The following NCKAP5L variants were observed in gnomAD, a reference collection of about 807,000 sequenced individuals.
The protein encoded by NCKAP5L is NCK associated protein 5 like.
A neutral mutation model predicts 103.2 loss-of-function variants in NCKAP5L; 54 were observed. That is an observed-to-expected ratio of 0.52 (90% confidence interval 0.42 to 0.66). The LOEUF is 0.66. Ranked by LOEUF, NCKAP5L falls within the 30% of genes least tolerant of loss-of-function variation. The pLI is 0.00. For missense variants in NCKAP5L, 1,733 were observed against 1,750.6 expected, an observed-to-expected ratio of 0.99 and a Z score of 0.18; for synonymous variants, 762 against 748.6, an observed-to-expected ratio of 1.02 and a Z score of -0.29.
At position 49,793,433 on chromosome 12, in the gene NCKAP5L, G is replaced by C; in HGVS notation, c.3259C>G (p.Pro1087Ala). The change falls in exon 10 of 13, where the codon CCG becomes GCG. Residue 1087 changes from proline (P) to alanine (A), a missense_variant and splice_region_variant. Transcript: ENST00000335999. ...LQGCGKPPGK[P>A]SSEPGRREEM... ...TCCCGCCTCCCTGGCTCGCTGCTCG[G>C]CTGTGTGGGATACAGGAGACCTCAT... 6.2e-7 allele frequency: 1 copy of C among 1,609,400 alleles called. No homozygotes were observed. Among genetic ancestry groups the C allele is most frequent in the African/African-American group, 1.3e-5 (1 of 75,040 alleles).
rs755796115 is a variant in NCKAP5L at position 49,792,855 on chromosome 12, C to A, written c.3472G>T (p.Val1158Leu). 89 of 1,551,376 alleles carry A rather than the reference C, an allele frequency of 5.7e-5. No homozygotes were observed. Among genetic ancestry groups the A allele is most frequent in the Non-Finnish European group, 7.5e-5 (87 of 1,153,978 alleles). Residue 1158 changes from valine (V) to leucine (L), a missense_variant, in exon 11 of 13, where the codon GTA (valine) becomes TTA (leucine). By Grantham distance (32) the Val-to-Leu change is conservative. Transcript: ENST00000335999. The surrounding 1 kb of genome is among the most constrained non-coding windows in gnomAD (Gnocchi z 4.5). Reference protein sequence around the residue: ...KPPRLDPPPGVPPARPPPLTK... With the variant: ...KPPRLDPPPGLPPARPPPLTK... ...AGGGGTGGGGGCCGAGCTGGGGGTA[C>A]CCCAGGTGGGGGATCCAGCCGCGGT...
Position 49,796,845 on chromosome 12 carries a change from G to A in NCKAP5L, c.1015C>T (p.Leu339=), listed in dbSNP as rs764756074. ...GQLLEDTESY[L]QAFLAGAAGP... ...GCAGCCCCGGCCAGGAAGGCCTGTA[G>A]GTAAGACTCTGTGTCCTCAAGGAGC... The change falls in exon 8 of 13, where the codon CTA becomes TTA. Residue 339 remains leucine (L), a synonymous_variant. Coordinates refer to ENST00000335999, the MANE Select transcript of NCKAP5L (RefSeq NM_001037806.4). 6.2e-7 allele frequency: 1 copy of A among 1,613,030 alleles called. No individual in the cohort carries two copies. Among genetic ancestry groups the A allele is most frequent in the African/African-American group, 1.3e-5 (1 of 75,054 alleles).
chr12:49,823,101 T>G (rs1192598012), intron 1 of NCKAP5L, among the ~76,000 whole-genome samples: 1 of 152,074 alleles, frequency 6.6e-6, no homozygotes, highest in African/African-American at 2.4e-5. Flanking sequence ...AGAGAGGCCC[T>G]CCTAACCCCA....
At chr12:49,807,339 A>G (rs530102491) in intron 1 of NCKAP5L, among the ~76,000 whole-genome samples, 1 of 151,872 alleles carries the variant, frequency 6.6e-6, no homozygotes, top group South Asian at 2.1e-4. Flanking sequence ...TTTAATACTG[A>G]TTTTTTTATT....
intron 1 of NCKAP5L, among the ~76,000 whole-genome samples, chr12:49,810,369 G>A (rs1028525152): frequency 1.3e-5 from 2 of 152,338 alleles, no homozygotes; most frequent in South Asian, 4.1e-4. Context: ...GTCTAGGCAT[G>A]GAGTCCAGTT....
intron 1 of NCKAP5L, among the ~76,000 whole-genome samples, chr12:49,817,586 T>C (rs1242264907): frequency 6.6e-6 from 1 of 152,042 alleles, no homozygotes; most frequent in Non-Finnish European, 1.5e-5. Flanking sequence ...AAAGCTATAG[T>C]AATCAAAATA....
At chr12:49,799,948 C>A (rs2137008129) in intron 6 of NCKAP5L, among the ~76,000 whole-genome samples, 1 of 152,322 alleles carries the variant, frequency 6.6e-6, no homozygotes, top group African/African-American at 2.4e-5. Flanking sequence ...GTAATCCCAG[C>A]ACTTTGGGAG....
chr12:49,794,467 C>G (rs374864070), intron 8 of NCKAP5L, among the ~76,000 whole-genome samples: 2 of 152,158 alleles, frequency 1.3e-5, no homozygotes, highest in African/African-American at 2.4e-5. Context: ...TAGGCTCTAG[C>G]CTTCACTTAA....
chr12:49,798,017 T>G (rs1946077439), intron 7 of NCKAP5L, among the ~76,000 whole-genome samples: 1 of 152,152 alleles, frequency 6.6e-6, no homozygotes, highest in South Asian at 2.1e-4. Flanking sequence ...GGCCTTCAAG[T>G]TATTTGAGCT....
At chr12:49,812,352 G>T (rs1034509855) in intron 1 of NCKAP5L, among the ~76,000 whole-genome samples, 1 of 151,140 alleles carries the variant, frequency 6.6e-6, no homozygotes, top group Non-Finnish European at 1.5e-5. Context: ...GTTGTTGCAC[G>T]TATCAGTAGT....
intron 1 of NCKAP5L, among the ~76,000 whole-genome samples, chr12:49,808,558 A>G (rs1946205594): frequency 6.6e-6 from 1 of 152,206 alleles, no homozygotes; most frequent in East Asian, 1.9e-4. Flanking sequence ...GAAGGTCAAG[A>G]TCCAGAGAGA....
In NCKAP5L at chr12:49,796,415, C is replaced by T. The variant is rs1315163910; in HGVS notation, c.1445G>A (p.Arg482Gln). ...GTTCCGACAGGGGATTCGCGAGTTCCGGGGGAGCTGGGGACTGAGCTGCGG... is the reference window on the plus strand; with the variant it reads ...GTTCCGACAGGGGATTCGCGAGTTCTGGGGGAGCTGGGGACTGAGCTGCGG... ...GGPQLSPQLPRNSRIPCRNSG... is the reference protein window; with the variant it reads ...GGPQLSPQLPQNSRIPCRNSG... The change falls in exon 8 of 13, where the codon CGG becomes CAG. Residue 482 changes from arginine (R) to glutamine (Q), a missense_variant. Physicochemically the swap from Arg to Gln is conservative, Grantham distance 43. Transcript: ENST00000335999. The T allele has an allele frequency of 8.9e-6, 14 of 1,568,936 alleles. No homozygotes were observed. Among genetic ancestry groups the T allele is most frequent in the Middle Eastern group, 1.7e-4 (1 of 5,834 alleles).
At chr12:49,815,419 G>C (rs1285268185) in intron 1 of NCKAP5L, among the ~76,000 whole-genome samples, 1 of 152,056 alleles carries the variant, frequency 6.6e-6, no homozygotes, top group Non-Finnish European at 1.5e-5. Flanking sequence ...TTTAATCTTT[G>C]GGTTATAATC....
chr12:49,797,954 A>G lies in NCKAP5L; in HGVS notation c.465+396T>C, dbSNP rs185219018. On this transcript the variant is annotated intron_variant, in intron 7 of 12. Coordinates refer to ENST00000335999, the MANE Select transcript of NCKAP5L (RefSeq NM_001037806.4). The surrounding 1 kb of genome is among the most constrained non-coding windows in gnomAD (Gnocchi z 4.5). ...TAGTGTGGTATAGTGGGCAACCCAT[A>G]GGCTCTGGAGTCAGCCTGTGTAGGC... Among the ~76,000 whole-genome samples, 2 of 152,288 alleles carry G rather than the reference A, an allele frequency of 1.3e-5. No homozygotes were observed. Among genetic ancestry groups the G allele is most frequent in the Admixed American group, 1.3e-4 (2 of 15,288 alleles).
chr12:49,806,862 T>C lies in NCKAP5L; in HGVS notation c.-98-821A>G, dbSNP rs115605585. Among the ~76,000 whole-genome samples the C allele has an allele frequency of 6.2e-3, 940 of 152,356 alleles. 9 individuals are homozygous for C. The highest frequency in any genetic ancestry group is 0.022 in the African/African-American group (895 of 41,578). ...TAAGAACACTTAGCCCAAAGGGTTG[T>C]TGGAGGACAAAATGAGATAATATAT... is the stretch of plus-strand genomic sequence containing the variant. On this transcript the variant is annotated intron_variant, in intron 1 of 12. Coordinates refer to ENST00000335999, the MANE Select transcript of NCKAP5L (RefSeq NM_001037806.4).
Position 49,796,412 on chromosome 12 carries a change from T to A in NCKAP5L, c.1448A>T (p.Asn483Ile). ...ACTGTTCCGACAGGGGATTCGCGAG[T>A]TCCGGGGGAGCTGGGGACTGAGCTG... is the stretch of plus-strand genomic sequence containing the variant. ...GPQLSPQLPR[N>I]SRIPCRNSGS... Residue 483 changes from asparagine (N) to isoleucine (I), a missense_variant, in exon 8 of 13, where the codon AAC becomes ATC. By Grantham distance (149) the Asn-to-Ile change is moderately radical. Coordinates refer to ENST00000335999, the MANE Select transcript of NCKAP5L (RefSeq NM_001037806.4). 6.4e-7 allele frequency: 1 copy of A among 1,571,066 alleles called. No individual in the cohort carries two copies.
chr12:49,794,954 G>T lies in NCKAP5L; in HGVS notation c.2906C>A (p.Ser969Tyr). 1 of 1,585,208 alleles carries T rather than the reference G, an allele frequency of 6.3e-7. No individual in the cohort carries two copies. Among genetic ancestry groups the T allele is most frequent in the Non-Finnish European group, 8.6e-7 (1 of 1,166,602 alleles). ...RKLEAESLNI[S>Y]KLMAKAEDLR... ...GTCTTCCGCCTTGGCCATCAGCTTG[G>T]AGATGTTGAGGCTCTCGGCCTCCAG... Residue 969 changes from serine to tyrosine, a missense_variant, in exon 8 of 13, where the codon TCC becomes TAC. By Grantham distance (144) the Ser-to-Tyr change is moderately radical (BLOSUM62 -2). Coordinates refer to ENST00000335999, the MANE Select transcript of NCKAP5L (RefSeq NM_001037806.4).
At position 49,797,947 on chromosome 12, in the gene NCKAP5L, A is replaced by G. The variant is rs1946076955; in HGVS notation, c.465+403T>C. On this transcript the variant is annotated intron_variant, in intron 7 of 12. Transcript: ENST00000335999. The surrounding 1 kb of genome is among the most constrained non-coding windows in gnomAD (Gnocchi z 4.5). ...TGTAGCATAGTGTGGTATAGTGGGC[A>G]ACCCATAGGCTCTGGAGTCAGCCTG... is the stretch of plus-strand genomic sequence containing the variant. 6.6e-6 allele frequency among the ~76,000 whole-genome samples: 1 copy of G among 152,200 alleles called. No homozygotes were observed. The highest frequency in any genetic ancestry group is 1.5e-5 in the Non-Finnish European group (1 of 68,026).
At chr12:49,804,204 G>T in intron 2 of NCKAP5L, 124 bp from the exon 3 acceptor site, 1 of 817,804 alleles carries the variant, frequency 1.2e-6, no homozygotes, top group Admixed American at 3.1e-5. Flanking sequence ...GGCCAGGCTG[G>T]GTATCTCCTG....
Sources: gnomAD v4.1 joint callset for allele counts (sites outside exome capture counted in the v4.1 genomes callset) on GRCh38, gnomAD v4.1.1 for gene constraint, Gnocchi (gnomAD v3.1) non-coding constraint, MANE v1.5 for transcripts, NCBI Gene and HGNC (gene_info 2026-07-23, HGNC 2026-07-21) for gene names.